CDC123: variants seen among roughly 807,000 people sequenced by gnomAD.
The protein encoded by CDC123 is cell division cycle 123.
A neutral mutation model predicts 54.4 loss-of-function variants in CDC123; 37 were observed. The observed-to-expected ratio is 0.68, with a 90% CI of 0.52 to 0.89. The LOEUF (loss-of-function observed/expected upper bound fraction) is 0.89, where lower values mean the gene tolerates loss of function less well. Ranked by LOEUF, CDC123 falls within the 40% of genes least tolerant of loss-of-function variation. The pLI, the probability that CDC123 is intolerant of heterozygous loss-of-function variation, is 0.00. For synonymous variants in CDC123, 144 were observed against 136.8 expected (o/e 1.05, Z -0.37); for missense variants, 361 against 412.1 (o/e 0.88, Z 1.07).
In CDC123 at chr10:12,235,372, A is replaced by C. The variant is rs772577476; in HGVS notation, c.565+249A>C. On this transcript the variant is annotated intron_variant, in intron 8 of 12. Coordinates refer to ENST00000281141, the MANE Select transcript of CDC123 (RefSeq NM_006023.3). Reference sequence around the variant, plus strand: ...ATGGCTGTCTGGATTCCAGAGATAAAAATGGTGGTTGTCACTGTTCCTGAT... The same window carrying C: ...ATGGCTGTCTGGATTCCAGAGATAACAATGGTGGTTGTCACTGTTCCTGAT... 2.7e-4 allele frequency among the ~76,000 whole-genome samples: 41 copies of C among 152,154 alleles called. 1 individual carries two copies. The highest frequency in any genetic ancestry group is 8.8e-5 in the Non-Finnish European group (6 of 68,026).
At chr10:12,227,397 C>T (rs575020935) in intron 6 of CDC123, among the ~76,000 whole-genome samples, 21 of 152,258 alleles carry the variant, frequency 1.4e-4, no homozygotes, top group Middle Eastern at 3.4e-3. Context: ...TGTTCTCTTA[C>T]ATTCATTGGA....
At chr10:12,233,278 TACACACACACACAC>T (rs57596982) in intron 7 of CDC123, among the ~76,000 whole-genome samples, 7 of 145,678 alleles carry the variant, frequency 4.8e-5, no homozygotes, top group South Asian at 2.2e-4. Flanking sequence ...GTATTTAAAA[TACACACACACACAC>T]ACACACACAC....
At chr10:12,212,621 T>A (rs959478734) in intron 4 of CDC123, among the ~76,000 whole-genome samples, 1 of 152,188 alleles carries the variant, frequency 6.6e-6, no homozygotes, top group Non-Finnish European at 1.5e-5. Flanking sequence ...TGCAGGTGTG[T>A]GCCAGCATGC....
At chr10:12,199,981 C>G (rs1379944755) in intron 2 of CDC123, among the ~76,000 whole-genome samples, 1 of 151,844 alleles carries the variant, frequency 6.6e-6, no homozygotes, top group Non-Finnish European at 1.5e-5. Flanking sequence ...ACCACCACGC[C>G]TGGCTAATTT....
chr10:12,250,026 TG>T (rs1156684426), intron 12 of CDC123: 2 of 475,776 alleles, frequency 4.2e-6, no homozygotes, highest in African/African-American at 4.0e-5. Context: ...GTCTCTGCTC[TG>T]GTGGTGATTT....
intron 2 of CDC123, among the ~76,000 whole-genome samples, chr10:12,199,049 C>T (rs866244910): frequency 2.6e-4 from 39 of 152,266 alleles, no homozygotes; most frequent in Middle Eastern, 3.4e-3. Flanking sequence ...TTCCTTCTGA[C>T]GGTAGCAGGG....
At chr10:12,240,509 C>G (rs187308568) in intron 10 of CDC123, among the ~76,000 whole-genome samples, 1 of 152,206 alleles carries the variant, frequency 6.6e-6, no homozygotes, top group African/African-American at 2.4e-5. Flanking sequence ...TTAACTCTTA[C>G]GTCAAAAGAC....
At chr10:12,229,219 G>A (rs1015666104) in intron 6 of CDC123, among the ~76,000 whole-genome samples, 6 of 152,182 alleles carry the variant, frequency 3.9e-5, no homozygotes, top group African/African-American at 1.4e-4. Context: ...ATATAGATGC[G>A]TTTTTTAAAC....
chr10:12,246,434 G>GTCAAAGAA, intron 11 of CDC123, 157 bp downstream of exon 11: 1 of 742,552 alleles, frequency 1.3e-6, no homozygotes, highest in Non-Finnish European at 2.1e-6. Flanking sequence ...CATGGTGGTG[G>GTCAAAGAA]TCAAAGAAGG....
chr10:12,236,759 TG>T (rs1242857239), intron 8 of CDC123, among the ~76,000 whole-genome samples: 1 of 152,070 alleles, frequency 6.6e-6, no homozygotes, highest in Non-Finnish European at 1.5e-5. Flanking sequence ...CTGGGTGTGG[TG>T]GCAGGCGCCC....
chr10:12,244,267 TGGC>T (rs1836098214), intron 10 of CDC123, among the ~76,000 whole-genome samples: 1 of 152,328 alleles, frequency 6.6e-6, no homozygotes, highest in East Asian at 1.9e-4. Flanking sequence ...GCTCAGGACA[TGGC>T]GGCAACACAT....
intron 8 of CDC123, 144 bp from the exon 9 acceptor site, chr10:12,237,000 G>A: frequency 2.3e-6 from 2 of 855,394 alleles, no homozygotes; most frequent in East Asian, 3.1e-5. Context: ...AATCCTTACA[G>A]CTGGGTCGTG....
At chr10:12,222,920 C>A (rs941400089) in intron 6 of CDC123, among the ~76,000 whole-genome samples, 5 of 150,524 alleles carry the variant, frequency 3.3e-5, no homozygotes, top group Non-Finnish European at 5.9e-5. Context: ...GAGACGGAGT[C>A]TCGCTCTGTT....
intron 6 of CDC123, among the ~76,000 whole-genome samples, chr10:12,222,421 C>T (rs1259221370): frequency 6.6e-6 from 1 of 152,140 alleles, no homozygotes; most frequent in Admixed American, 6.5e-5. Context: ...AGTTCGAGAC[C>T]AGCCTGGCCA....
At chr10:12,227,090 C>G (rs1185603180) in intron 6 of CDC123, among the ~76,000 whole-genome samples, 2 of 152,104 alleles carry the variant, frequency 1.3e-5, no homozygotes, top group Non-Finnish European at 2.9e-5. Flanking sequence ...CCTGTCTCCA[C>G]CAAAAAAATA....
chr10:12,250,340 A>G lies in CDC123; in HGVS notation c.*3A>G. 6.2e-7 allele frequency: 1 copy of G among 1,603,204 alleles called. No individual in the cohort carries two copies. The highest frequency in any genetic ancestry group is 8.5e-7 in the Non-Finnish European group (1 of 1,171,294). On this transcript the variant is annotated 3_prime_UTR_variant, in exon 13 of 13. Coordinates refer to ENST00000281141, the MANE Select transcript of CDC123 (RefSeq NM_006023.3). ...GAAATCAGCAGGAGGACGACTGATG[A>G]GCGTACTGGAACTGGAGAAGAGGAG...
chr10:12,226,345 C>T (rs527862906), intron 6 of CDC123, among the ~76,000 whole-genome samples: 106 of 149,150 alleles, frequency 7.1e-4, no homozygotes, highest in Middle Eastern at 4.0e-3. Flanking sequence ...GGCGGCTGGC[C>T]GGGCGGGGGC....
intron 1 of CDC123, among the ~76,000 whole-genome samples, chr10:12,197,588 A>AG (rs1420900791): frequency 1.3e-5 from 2 of 151,784 alleles, no homozygotes; most frequent in Non-Finnish European, 2.9e-5. Context: ...CGTGTTAGCC[A>AG]GGATGGTCTC....
intron 7 of CDC123, among the ~76,000 whole-genome samples, chr10:12,232,440 C>T (rs775609422): frequency 9.2e-5 from 14 of 152,086 alleles, no homozygotes; most frequent in Non-Finnish European, 1.6e-4. Context: ...TGTCTGTTGA[C>T]TCACTGCATT....
Sources: allele counts gnomAD v4.1 joint callset (sites outside exome capture counted in the v4.1 genomes callset), GRCh38; gene constraint gnomAD v4.1.1; transcripts MANE v1.5; gene names NCBI Gene and HGNC (gene_info 2026-07-23, HGNC 2026-07-21).